Variants in BRSK2 observed in about 807,000 individuals in gnomAD.
BRSK2 encodes the protein BR serine/threonine kinase 2.
BRSK2 carries 19 observed loss-of-function variants against 83.3 expected under a neutral mutation model. The observed-to-expected ratio is 0.23, with a 90% CI of 0.16 to 0.33. The LOEUF (loss-of-function observed/expected upper bound fraction) is 0.33, where lower values mean the gene tolerates loss of function less well. Among genes scored for constraint, BRSK2 ranks in the 10% least tolerant of loss-of-function variants. The probability of loss-of-function intolerance (pLI) is 1.00; values close to 1 mark genes in which losing one functional copy is unlikely to be tolerated. For synonymous variants in BRSK2, 519 were observed against 435.4 expected (o/e 1.19, Z -2.39); for missense variants, 798 against 1,042.3 (o/e 0.77, Z 3.23).
chr11:1,400,839 C>T (rs1414873234), intron 1 of BRSK2, among the ~76,000 whole-genome samples: 1 of 152,238 alleles, frequency 6.6e-6, no homozygotes. Context: ...TAGGGCCCTT[C>T]CTGTCTAGCC....
intron 1 of BRSK2, among the ~76,000 whole-genome samples, chr11:1,404,794 G>A (rs993053349): frequency 9.9e-5 from 15 of 152,200 alleles, no homozygotes; most frequent in Admixed American, 1.3e-4. Flanking sequence ...TATTCTTACC[G>A]CGCCCTGGAG....
In BRSK2 at chr11:1,443,087, C is replaced by T. The variant is rs572358857; in HGVS notation, c.531-19C>T. The T allele has an allele frequency of 4.6e-6, 7 of 1,533,546 alleles. No individual in the cohort carries two copies. The South Asian group carries it at 4.8e-5, about 10-fold the overall frequency. 95.0% of individuals were successfully genotyped at this position (1,533,546 alleles called of 1,614,324 possible). A position where few individuals can be genotyped will look rare whatever the true frequency, so the allele number is the denominator to read the frequency against. On this transcript the variant is annotated intron_variant, in intron 5 of 19. Transcript: ENST00000528841. ...GCAGCGCCCGGAGCCCCGCCGCTGA[C>T]CTCTGCCCTTGCCCGCAGGTCCCCC... is the stretch of plus-strand genomic sequence containing the variant.
rs1296816949 is a variant in BRSK2 at position 1,410,376 on chromosome 11, C to T, written c.91+20001C>T. The stretch of plus-strand genomic sequence containing the variant: ...CGGCCTCGCAGAGCGGTGACGGTCG[C>T]AGAGTCCGTGTTTGGGGGGGTTTGT... On this transcript the variant is annotated intron_variant, in intron 1 of 19. Transcript: ENST00000528841. 6.1e-5 allele frequency: 54 copies of T among 888,496 alleles called. No homozygotes were observed. In the African/African-American group the frequency reaches 1.3e-3, roughly 21 times the overall value. The allele number at this position is 888,496 out of a possible 1,614,324, so 55.0% of individuals were successfully genotyped here. A position where few individuals can be genotyped will look rare whatever the true frequency, so the allele number is the denominator to read the frequency against.
At chr11:1,410,737 G>A (rs1426669130) in intron 1 of BRSK2, 1 of 985,190 alleles carries the variant, frequency 1.0e-6, no homozygotes, top group Admixed American at 6.2e-5. Flanking sequence ...GGGGAGGCTG[G>A]TCCTCCATTC....
At chr11:1,428,888 T>C (rs934358484) in intron 1 of BRSK2, among the ~76,000 whole-genome samples, 1 of 148,350 alleles carries the variant, frequency 6.7e-6, no homozygotes, top group Non-Finnish European at 1.5e-5. Flanking sequence ...GCACACGGGT[T>C]ACTGGGGGTG....
chr11:1,436,148 G>C lies in BRSK2; in HGVS notation c.186+14G>C. The C allele has an allele frequency of 9.2e-7, 1 of 1,089,746 alleles. No homozygotes were observed. Among genetic ancestry groups the C allele is most frequent in the African/African-American group, 1.6e-5 (1 of 61,360 alleles). The allele number at this position is 1,089,746 out of a possible 1,614,324, so 67.5% of individuals were successfully genotyped here. A position where few individuals can be genotyped will look rare whatever the true frequency, so the allele number is the denominator to read the frequency against. On this transcript the variant is annotated intron_variant, in intron 2 of 19. Coordinates refer to ENST00000528841, the MANE Select transcript of BRSK2 (RefSeq NM_001256627.2). ...GTGCTGATGAAGGTGGGTGGGGCCG[G>C]GGAGGGAGGCGGGGCCGGCGGTGGG...
rs1160808290 is a variant in BRSK2 at position 1,461,075 on chromosome 11, G to A, written c.*352G>A. On this transcript the variant is annotated 3_prime_UTR_variant, in exon 20 of 20. Transcript: ENST00000528841. ...CCTCCGCTCCTGCTGTTGCTGCCGG[G>A]CAGTGAGGCCCAGCCCAGCGCCCCG... The A allele has an allele frequency of 3.8e-6, 6 of 1,582,106 alleles. No individual in the cohort carries two copies. The highest frequency in any genetic ancestry group is 1.1e-5 in the South Asian group (1 of 88,924).
chr11:1,400,965 A>G (rs914636874), intron 1 of BRSK2, among the ~76,000 whole-genome samples: 1 of 152,214 alleles, frequency 6.6e-6, no homozygotes, highest in African/African-American at 2.4e-5. Context: ...CTGCTGGTGC[A>G]TGCCCAGCTC....
intron 1 of BRSK2, among the ~76,000 whole-genome samples, chr11:1,419,935 T>G (rs931557365): frequency 3.9e-5 from 6 of 152,148 alleles, no homozygotes; most frequent in African/African-American, 1.4e-4. Flanking sequence ...AACAAGAATG[T>G]TTGAAATCCT....
intron 1 of BRSK2, among the ~76,000 whole-genome samples, chr11:1,428,106 G>C (rs951450104): frequency 1.3e-5 from 2 of 152,192 alleles, no homozygotes; most frequent in Non-Finnish European, 2.9e-5. Flanking sequence ...AGAAGATGGA[G>C]GCAGGAGGAG....
At chr11:1,411,791 T>TGCCTGCCCCTATGTGGAGAGGC (rs1359577015) in intron 1 of BRSK2, among the ~76,000 whole-genome samples, 13 of 152,328 alleles carry the variant, frequency 8.5e-5, no homozygotes, top group East Asian at 3.9e-4. Flanking sequence ...ACGCTGGCGC[T>TGCCTGCCCCTATGTGGAGAGGC]GCCTGCCCCT....
chr11:1,447,130 C>G (rs1207688438), intron 12 of BRSK2, among the ~76,000 whole-genome samples: 1 of 152,098 alleles, frequency 6.6e-6, no homozygotes, highest in Non-Finnish European at 1.5e-5. Context: ...CCCCCAGAAC[C>G]TCCTTCCCAG....
At chr11:1,457,936 T>G (rs11607958) in intron 18 of BRSK2, among the ~76,000 whole-genome samples, 248 of 151,950 alleles carry the variant, frequency 1.6e-3, no homozygotes, top group Non-Finnish European at 2.7e-3. Flanking sequence ...GCACAGCGGG[T>G]AAGGAGGAGC....
At chr11:1,440,544 C>T (rs1222524636) in intron 3 of BRSK2, among the ~76,000 whole-genome samples, 4 of 152,136 alleles carry the variant, frequency 2.6e-5, no homozygotes, top group South Asian at 2.1e-4. Flanking sequence ...CCTGTCCCTC[C>T]ACCCTCACCC....
chr11:1,402,845 G>A (rs1025835731), intron 1 of BRSK2, among the ~76,000 whole-genome samples: 2 of 152,134 alleles, frequency 1.3e-5, no homozygotes, highest in Admixed American at 6.5e-5. Context: ...CGCTGAGCTC[G>A]GCAGAGTGAG....
intron 12 of BRSK2, among the ~76,000 whole-genome samples, chr11:1,448,552 T>C (rs1198960968): frequency 1.3e-5 from 2 of 150,856 alleles, no homozygotes; most frequent in African/African-American, 4.9e-5. Flanking sequence ...CACCCCGGGG[T>C]TTCCAGCGCC....
intron 3 of BRSK2, among the ~76,000 whole-genome samples, chr11:1,439,289 CGTG>C (rs943383526): frequency 6.6e-6 from 1 of 152,044 alleles, no homozygotes; most frequent in Admixed American, 6.5e-5. Context: ...TCTGCATTCT[CGTG>C]GGGAGCATGT....
rs950832927 is a variant in BRSK2, at chr11:1,438,669, G to A, written c.272+278G>A. Among the ~76,000 whole-genome samples the A allele has an allele frequency of 1.3e-5, 2 of 152,134 alleles. No homozygotes were observed. Among genetic ancestry groups the A allele is most frequent in the Admixed American group, 6.5e-5 (1 of 15,284 alleles). ...AAGGGGGAACAGGACCTTCTGGAGGGGAGATAGGAGTTTCAGGGCAAGGGG... is the reference window on the plus strand; with the variant it reads ...AAGGGGGAACAGGACCTTCTGGAGGAGAGATAGGAGTTTCAGGGCAAGGGG... On this transcript the variant is annotated intron_variant, in intron 3 of 19. Transcript: ENST00000528841. The surrounding 1 kb of genome is among the most constrained non-coding windows in gnomAD (Gnocchi z 6.4).
In BRSK2 at chr11:1,421,267, A is replaced by G. The variant is rs148507404; in HGVS notation, c.92-14773A>G. ...GCCAGGCACGTCTGGGGTCACACCC[A>G]GGAGGGAGGCAGGCGTCTGCAGTCT... On this transcript the variant is annotated intron_variant, in intron 1 of 19. Transcript: ENST00000528841. Among the ~76,000 whole-genome samples, 893 of 152,302 alleles carry G rather than the reference A, an allele frequency of 5.9e-3. 11 individuals are homozygous for G. The highest frequency in any genetic ancestry group is 0.02 in the African/African-American group (841 of 41,570).
Sources: gnomAD v4.1 joint callset for allele counts (sites outside exome capture counted in the v4.1 genomes callset) on GRCh38, gnomAD v4.1.1 for gene constraint, Gnocchi (gnomAD v3.1) non-coding constraint, MANE v1.5 for transcripts, NCBI Gene and HGNC (gene_info 2026-07-23, HGNC 2026-07-21) for gene names.